Variants in MECOM observed in about 807,000 individuals in gnomAD.
MECOM encodes MDS1 and EVI1 complex locus, also known as histone-lysine N-methyltransferase MECOM.
MECOM carries 13 observed loss-of-function variants against 116.3 expected under a neutral mutation model. That is an observed-to-expected ratio of 0.11 (90% CI 0.07 to 0.18). The LOEUF (loss-of-function observed/expected upper bound fraction) is 0.18, where lower values mean the gene tolerates loss of function less well. Ranked by LOEUF, MECOM falls within the 10% of genes least tolerant of loss-of-function variation. MECOM has a pLI of 1.00. For missense variants in MECOM, 1,299 were observed against 1,509.0 expected (o/e 0.86, Z 2.31); for synonymous variants, 528 against 535.2 (o/e 0.99, Z 0.19).
At chr3:169,350,338 T>G (rs1004169395) in intron 2 of MECOM, among the ~76,000 whole-genome samples, 1 of 151,982 alleles carries the variant, frequency 6.6e-6, no homozygotes, top group Non-Finnish European at 1.5e-5. Context: ...CTTCTTGACC[T>G]TCAGTGTCCT....
At chr3:169,162,762 A>G (rs186614791) in intron 2 of MECOM, among the ~76,000 whole-genome samples, 7 of 152,318 alleles carry the variant, frequency 4.6e-5, no homozygotes, top group Admixed American at 4.6e-4. Context: ...ATGGATTCCA[A>G]TATACCAGAC....
chr3:169,187,444 G>A (rs1277021182), intron 2 of MECOM, among the ~76,000 whole-genome samples: 1 of 152,094 alleles, frequency 6.6e-6, no homozygotes. Flanking sequence ...TTTGCCTTAT[G>A]TAAGCTAAAT....
chr3:169,320,311 T>C, intron 2 of MECOM, among the ~76,000 whole-genome samples: 1 of 152,122 alleles, frequency 6.6e-6, no homozygotes, highest in East Asian at 1.9e-4. Context: ...GCTGACACAA[T>C]AGGAATAAAC....
At chr3:169,332,290 G>T (rs1160192137) in intron 2 of MECOM, among the ~76,000 whole-genome samples, 14 of 152,042 alleles carry the variant, frequency 9.2e-5, no homozygotes, top group Admixed American at 9.2e-4. Context: ...GAAAGTCCTT[G>T]CCCTTCGAAG....
Position 169,346,549 on chromosome 3 carries a change from G to A in MECOM, c.375+34638C>T, listed in dbSNP as rs75265020. Among the ~76,000 whole-genome samples, 827 of 151,666 alleles carry A rather than the reference G, an allele frequency of 5.5e-3. 5 individuals carry two copies. The highest frequency in any genetic ancestry group is 9.2e-3 in the Non-Finnish European group (623 of 67,908). ...GATAGCTGAATTCTAGTCCTGCCTCGGTAGCTAACTAGATATGTGACCATG... is the reference window on the plus strand; with the variant it reads ...GATAGCTGAATTCTAGTCCTGCCTCAGTAGCTAACTAGATATGTGACCATG... On this transcript the variant is annotated intron_variant, in intron 2 of 16. Transcript: ENST00000651503.
chr3:169,249,674 CA>C (rs1263970390), intron 2 of MECOM, among the ~76,000 whole-genome samples: 3 of 152,124 alleles, frequency 2.0e-5, no homozygotes, highest in African/African-American at 7.2e-5. Context: ...TGTTGATGAG[CA>C]ATAACATTTT....
intron 1 of MECOM, among the ~76,000 whole-genome samples, chr3:169,478,839 T>C (rs932009043): frequency 6.6e-6 from 1 of 152,182 alleles, no homozygotes; most frequent in African/African-American, 2.4e-5. Flanking sequence ...CCATACTGGG[T>C]CATTTTACAA....
intron 1 of MECOM, among the ~76,000 whole-genome samples, chr3:169,562,139 CA>C (rs10714325): frequency 0.13 from 3,266 of 25,210 alleles, 80 homozygotes; most frequent in African/African-American, 0.35. Context: ...GAGCAATACT[CA>C]AAAAAAAAAA....
chr3:169,127,988 T>A lies in MECOM; in HGVS notation c.686A>T (p.Lys229Met). ...TGAGTGAGGAGTACTGCATGGAAAC[T>A]TTTGGTGATCTGCTAGTTCAGCCTT... ...ESKAELADHQ[K>M]FPCSTPHSAF... The change falls in exon 5 of 17, where the codon AAG (lysine) becomes ATG (methionine). Residue 229 changes from lysine to methionine, a missense_variant. Physicochemically the swap from Lys to Met is moderately conservative, Grantham distance 95 (BLOSUM62 -1). This residue lies in a region of MECOM where 374 missense variants were observed against 433.4 expected (regional missense o/e 0.86). Transcript: ENST00000651503. The A allele has an allele frequency of 6.2e-7, 1 of 1,614,104 alleles. No homozygotes were observed.
intron 2 of MECOM, among the ~76,000 whole-genome samples, chr3:169,194,749 T>C (rs1165512731): frequency 1.3e-5 from 2 of 152,090 alleles, no homozygotes; most frequent in African/African-American, 4.8e-5. Context: ...CCACTCCAAG[T>C]TGCAGTCAGT....
At chr3:169,164,717 A>G (rs1050046642) in intron 2 of MECOM, among the ~76,000 whole-genome samples, 17 of 152,014 alleles carry the variant, frequency 1.1e-4, no homozygotes, top group Non-Finnish European at 2.9e-5. Context: ...TAATAAAAAC[A>G]ATTATATTTG....
chr3:169,541,573 A>G (rs1760060680), intron 1 of MECOM, among the ~76,000 whole-genome samples: 1 of 152,190 alleles, frequency 6.6e-6, no homozygotes, highest in South Asian at 2.1e-4. Context: ...TACAGCATGG[A>G]TGCAGGACCC....
chr3:169,608,549 C>A (rs892130408), intron 1 of MECOM, among the ~76,000 whole-genome samples: 2 of 152,148 alleles, frequency 1.3e-5, no homozygotes, highest in Non-Finnish European at 2.9e-5. Context: ...ACATACCATC[C>A]TCCCTCCATT....
chr3:169,191,322 GA>G (rs1159901625), intron 2 of MECOM, among the ~76,000 whole-genome samples: 2 of 151,816 alleles, frequency 1.3e-5, no homozygotes, highest in Non-Finnish European at 2.9e-5. Flanking sequence ...GCACATTCAG[GA>G]CTATAGGAGT....
intron 2 of MECOM, among the ~76,000 whole-genome samples, chr3:169,261,272 A>G (rs1287298172): frequency 6.6e-6 from 1 of 152,180 alleles, no homozygotes; most frequent in East Asian, 1.9e-4. Flanking sequence ...TTATTTGGGA[A>G]TAGATTTTAA....
intron 8 of MECOM, among the ~76,000 whole-genome samples, chr3:169,114,852 T>C (rs1378154754): frequency 6.6e-6 from 1 of 152,178 alleles, no homozygotes; most frequent in Non-Finnish European, 1.5e-5. Context: ...CTACTCATAT[T>C]ATATACAAAA....
chr3:169,591,424 GGAGAGTC>G (rs1197319035), intron 1 of MECOM, among the ~76,000 whole-genome samples: 1 of 152,150 alleles, frequency 6.6e-6, no homozygotes, highest in Non-Finnish European at 1.5e-5. Flanking sequence ...TGGAATGATT[GGAGAGTC>G]GAGAGTCGGA....
chr3:169,456,620 T>C (rs1746546335), intron 1 of MECOM, among the ~76,000 whole-genome samples: 1 of 152,244 alleles, frequency 6.6e-6, no homozygotes, highest in East Asian at 1.9e-4. Context: ...ACCACGGACC[T>C]GCTGAATCAG....
intron 1 of MECOM, among the ~76,000 whole-genome samples, chr3:169,423,864 A>G (rs560835753): frequency 1.3e-5 from 2 of 152,234 alleles, no homozygotes; most frequent in South Asian, 2.1e-4. Context: ...AATCCTCATT[A>G]TGTTATTAAT....
Sources: gnomAD v4.1 joint callset for allele counts (sites outside exome capture counted in the v4.1 genomes callset) on GRCh38, gnomAD v4.1.1 for gene constraint, gnomAD v4.1.1 regional missense constraint, MANE v1.5 for transcripts, NCBI Gene and HGNC (gene_info 2026-07-23, HGNC 2026-07-21) for gene names.